Variants in RERE observed in about 807,000 individuals in gnomAD.
The protein encoded by RERE is arginine-glutamic acid dipeptide repeats protein.
RERE carries 40 observed loss-of-function variants against 146.1 expected under a neutral mutation model. The ratio of observed to expected loss-of-function variants is 0.27; its 90% CI spans 0.21 to 0.36. The LOEUF (loss-of-function observed/expected upper bound fraction) is 0.36. Ranked by LOEUF, RERE falls within the 10% of genes least tolerant of loss-of-function variation. RERE has a pLI of 1.00. For missense variants in RERE, 1,933 were observed against 2,138.7 expected (o/e 0.90, Z 1.90); for synonymous variants, 1,003 against 866.0 (o/e 1.16, Z -2.78).
chr1:8,399,995 T>C (rs1643194175), intron 12 of RERE, among the ~76,000 whole-genome samples: 2 of 152,022 alleles, frequency 1.3e-5, no homozygotes, highest in Admixed American at 6.6e-5. Flanking sequence ...CCTGAGTAGC[T>C]GCAACTACAA....
At chr1:8,416,486 T>C (rs1643770671) in intron 12 of RERE, among the ~76,000 whole-genome samples, 1 of 149,144 alleles carries the variant, frequency 6.7e-6, no homozygotes, top group Non-Finnish European at 1.5e-5. Flanking sequence ...CTCGGGAGGC[T>C]GAGGCAGGAG....
At chr1:8,804,397 A>C (rs1049282568) in intron 1 of RERE, among the ~76,000 whole-genome samples, 4 of 152,204 alleles carry the variant, frequency 2.6e-5, no homozygotes, top group African/African-American at 9.6e-5. Context: ...GGATTACAAT[A>C]ATACTGTCAA....
chr1:8,359,607 G>A lies in RERE; in HGVS notation c.3618+157C>T, dbSNP rs114101852. 8.7e-3 allele frequency among the ~76,000 whole-genome samples: 1,328 copies of A among 152,282 alleles called. 15 individuals carry two copies. Among genetic ancestry groups the A allele is most frequent in the African/African-American group, 0.029 (1,191 of 41,550 alleles). ...CGGCAGCTTCGGATGTGCAGCACCCGTCAGAGGTGTGGAGACAGGGTGTAA... is the reference window on the plus strand; with the variant it reads ...CGGCAGCTTCGGATGTGCAGCACCCATCAGAGGTGTGGAGACAGGGTGTAA... On this transcript the variant is annotated intron_variant, in intron 19 of 22. Coordinates refer to ENST00000400908, the MANE Select transcript of RERE (RefSeq NM_001042681.2).
chr1:8,810,874 C>T (rs571238971), intron 1 of RERE, among the ~76,000 whole-genome samples: 177 of 152,120 alleles, frequency 1.2e-3, no homozygotes, highest in Non-Finnish European at 2.1e-3. Flanking sequence ...AAATACAGTT[C>T]GGGAAACACT....
rs1553130735 is a variant in RERE, at chr1:8,668,963, T to TGTGTGTGTGTG, written c.-144-12523_-144-12522insCACACACACAC. On this transcript the variant is annotated intron_variant, in intron 1 of 22. Coordinates refer to ENST00000400908, the MANE Select transcript of RERE (RefSeq NM_001042681.2). The stretch of plus-strand genomic sequence containing the variant: ...GTGTGTGTGTGTGTGTGTGTGTGTG[T>TGTGTGTGTGTG]TGTGTTTTTAAGACAGGGTCTCACT... Among the ~76,000 whole-genome samples, 111 of 42,354 alleles carry TGTGTGTGTGTG rather than the reference T, an allele frequency of 2.6e-3. 5 individuals are homozygous for TGTGTGTGTGTG. The highest frequency in any genetic ancestry group is 9.3e-3 in the East Asian group (6 of 642). 27.8% of individuals were successfully genotyped at this position (42,354 alleles called of 152,430 possible).
chr1:8,742,798 G>A (rs1158675793), intron 1 of RERE, among the ~76,000 whole-genome samples: 1 of 150,656 alleles, frequency 6.6e-6, no homozygotes, highest in Non-Finnish European at 1.5e-5. Flanking sequence ...AACCTGGGAG[G>A]TTGAGGCTAC....
chr1:8,574,096 G>A (rs558590315), intron 4 of RERE, among the ~76,000 whole-genome samples: 81 of 152,158 alleles, frequency 5.3e-4, no homozygotes, highest in Middle Eastern at 3.4e-3. Context: ...ATGAGCCACC[G>A]TGCCCAACCA....
At chr1:8,673,135 G>A (rs765332689) in intron 1 of RERE, among the ~76,000 whole-genome samples, 1 of 151,920 alleles carries the variant, frequency 6.6e-6, no homozygotes, top group Non-Finnish European at 1.5e-5. Context: ...TTTCACTCTC[G>A]TCACCCAGGC....
At chr1:8,414,578 AT>A (rs1643710864) in intron 12 of RERE, among the ~76,000 whole-genome samples, 1 of 152,000 alleles carries the variant, frequency 6.6e-6, no homozygotes, top group Admixed American at 6.6e-5. Context: ...TAACATTTCA[AT>A]AGTCAAATCC....
chr1:8,484,352 A>T (rs2124191552), intron 10 of RERE, among the ~76,000 whole-genome samples: 1 of 152,258 alleles, frequency 6.6e-6, no homozygotes, highest in South Asian at 2.1e-4. Context: ...TCCACACAAG[A>T]TCTTTCTGGG....
intron 11 of RERE, among the ~76,000 whole-genome samples, chr1:8,447,964 C>T (rs530737357): frequency 1.1e-4 from 17 of 152,210 alleles, no homozygotes; most frequent in Non-Finnish European, 2.1e-4. Context: ...ACTGCTGCGG[C>T]TCTGAACAAA....
At chr1:8,809,452 A>G (rs555077967) in intron 1 of RERE, among the ~76,000 whole-genome samples, 1 of 152,236 alleles carries the variant, frequency 6.6e-6, no homozygotes, top group East Asian at 1.9e-4. Flanking sequence ...ATGTTACTAC[A>G]AGAGACAATA....
Position 8,361,136 on chromosome 1 carries a change from G to A in RERE, c.2371C>T (p.Pro791Ser), listed in dbSNP as rs548604958. 147 of 1,446,286 alleles carry A rather than the reference G, an allele frequency of 1.0e-4. No homozygotes were observed. In the Middle Eastern group the frequency reaches 1.2e-3, roughly 11 times the overall value. 89.6% of individuals were successfully genotyped at this position (1,446,286 alleles called of 1,614,324 possible). ...TGGGTGTGGGGAACAGGCGCTGTGG[G>A]AGCCTGTGGCTGGTTAGGGGCCTGG... is the stretch of plus-strand genomic sequence containing the variant. The part of the protein sequence containing the change: ...ASQAPNQPQA[P>S]TAPVPHTHIQ... Residue 791 changes from proline (P) to serine (S), a missense_variant, in exon 18 of 23, where the codon CCC becomes TCC. This residue lies in a region of RERE where 1,255 missense variants were observed against 1,153.8 expected (regional missense o/e 1.09). Coordinates refer to ENST00000400908, the MANE Select transcript of RERE (RefSeq NM_001042681.2).
At chr1:8,604,855 A>T (rs185190232) in intron 4 of RERE, among the ~76,000 whole-genome samples, 74 of 152,358 alleles carry the variant, frequency 4.9e-4, no homozygotes, top group Middle Eastern at 3.4e-3. Context: ...CCACTACTAC[A>T]TAAAACATCT....
chr1:8,552,915 T>C (rs1437448013), intron 6 of RERE, among the ~76,000 whole-genome samples: 1 of 147,352 alleles, frequency 6.8e-6, no homozygotes, highest in Non-Finnish European at 1.5e-5. Context: ...ACTAGGCCAG[T>C]GCGTTCACAC....
intron 1 of RERE, among the ~76,000 whole-genome samples, chr1:8,815,675 G>A (rs1641897438): frequency 6.6e-6 from 1 of 152,116 alleles, no homozygotes; most frequent in African/African-American, 2.4e-5. Context: ...TGAGATGGGT[G>A]GAAGAAAGCT....
chr1:8,542,805 C>A (rs527292596), intron 6 of RERE, among the ~76,000 whole-genome samples: 4 of 152,114 alleles, frequency 2.6e-5, no homozygotes, highest in Non-Finnish European at 5.9e-5. Context: ...TGCACCCAGC[C>A]CCCATCTCCA....
chr1:8,749,392 C>A (rs1433661499), intron 1 of RERE, among the ~76,000 whole-genome samples: 1 of 148,336 alleles, frequency 6.7e-6, no homozygotes, highest in Non-Finnish European at 1.5e-5. Context: ...CCAAAAAATA[C>A]ATAAGTAAAA....
intron 3 of RERE, among the ~76,000 whole-genome samples, chr1:8,616,530 T>C (rs1293230142): frequency 2.6e-5 from 4 of 152,180 alleles, no homozygotes; most frequent in South Asian, 2.1e-4. Flanking sequence ...AAATATCAGA[T>C]TGTCTCAACC....
Sources: allele counts gnomAD v4.1 joint callset (sites outside exome capture counted in the v4.1 genomes callset), GRCh38; gene constraint gnomAD v4.1.1; regional missense constraint gnomAD v4.1.1; transcripts MANE v1.5; gene names NCBI Gene and HGNC (gene_info 2026-07-23, HGNC 2026-07-21).